DAB1: variants seen among roughly 807,000 people sequenced by gnomAD.
DAB1 encodes the protein DAB adaptor protein 1, also known as disabled homolog 1.
DAB1 carries 15 observed loss-of-function variants against 64.6 expected under a neutral mutation model. The ratio of observed to expected loss-of-function variants is 0.23; its 90% CI spans 0.16 to 0.36. The LOEUF is 0.36. Ranked by LOEUF, DAB1 falls within the 10% of genes least tolerant of loss-of-function variation. The probability of loss-of-function intolerance (pLI) is 1.00; values close to 1 mark genes in which losing one functional copy is unlikely to be tolerated. For missense variants in DAB1, 596 were observed against 706.7 expected, an observed-to-expected ratio of 0.84 and a Z score of 1.78; for synonymous variants, 235 against 251.9, an observed-to-expected ratio of 0.93 and a Z score of 0.64.
At chr1:57,555,621 A>G (rs577282611) in intron 7 of DAB1, among the ~76,000 whole-genome samples, 1 of 152,282 alleles carries the variant, frequency 6.6e-6, no homozygotes, top group Non-Finnish European at 1.5e-5. Flanking sequence ...CTGGGCTCAG[A>G]GAAAGGAAAA....
chr1:57,035,562 C>T (rs1263688539), intron 9 of DAB1, among the ~76,000 whole-genome samples: 1 of 152,100 alleles, frequency 6.6e-6, no homozygotes, highest in Non-Finnish European at 1.5e-5. Context: ...TGAACAAATG[C>T]ATTTTTTTGG....
In DAB1 at chr1:58,021,593, G is replaced by A. The variant is rs1432378389; in HGVS notation, n.387+128918C>T. ...TTACATGGAAAAATAAGAGGACTGT[G>A]AGCATATGAGTACCTACAGTTGGAA... On this transcript the variant is annotated intron_variant and non_coding_transcript_variant, in intron 5 of 20. Coordinates refer to the DAB1 transcript ENST00000485760. Among the ~76,000 whole-genome samples the A allele has an allele frequency of 3.9e-5, 6 of 152,158 alleles. No homozygotes were observed. In the East Asian group the frequency reaches 5.8e-4, roughly 15 times the overall value.
rs77019377 is a variant in DAB1 at position 58,132,904 on chromosome 1, G to A, written n.387+17607C>T. Among the ~76,000 whole-genome samples the A allele has an allele frequency of 8.8e-3, 1,339 of 152,288 alleles. 35 individuals carry two copies. The highest frequency in any genetic ancestry group is 0.066 in the East Asian group (342 of 5,174). On this transcript the variant is annotated intron_variant and non_coding_transcript_variant, in intron 5 of 20. Transcript: ENST00000485760. The stretch of plus-strand genomic sequence containing the variant: ...TATCAGTTCTGATATCTGTGTTAGT[G>A]TTAGCTAACCCTTTAATAGTGTTAA...
At chr1:57,847,561 C>A (rs1653346902) in intron 1 of DAB1, among the ~76,000 whole-genome samples, 2 of 151,862 alleles carry the variant, frequency 1.3e-5, no homozygotes, top group South Asian at 4.2e-4. Flanking sequence ...GAAAGCTAGG[C>A]AAATATTTAT....
chr1:57,238,983 A>G (rs1278113081), intron 2 of DAB1, among the ~76,000 whole-genome samples: 1 of 151,888 alleles, frequency 6.6e-6, no homozygotes, highest in Non-Finnish European at 1.5e-5. Context: ...CTGTAAATCT[A>G]TTTACCAATC....
intron 3 of DAB1, among the ~76,000 whole-genome samples, chr1:58,351,794 A>G (rs775581580): frequency 1.3e-5 from 2 of 149,668 alleles, no homozygotes; most frequent in Non-Finnish European, 3.0e-5. Flanking sequence ...TAATCTTTGC[A>G]GGGAGATGGG....
At chr1:57,705,565 T>C (rs1287778878) in intron 6 of DAB1, among the ~76,000 whole-genome samples, 2 of 152,160 alleles carry the variant, frequency 1.3e-5, no homozygotes, top group Non-Finnish European at 2.9e-5. Context: ...CATTCTTTTC[T>C]ATTCTTTTAA....
At chr1:58,049,606 G>T (rs1429552733) in intron 5 of DAB1, among the ~76,000 whole-genome samples, 3 of 152,146 alleles carry the variant, frequency 2.0e-5, no homozygotes, top group Non-Finnish European at 4.4e-5. Context: ...AGAAGAAAGA[G>T]CATGGATTTT....
chr1:57,439,044 G>T (rs555898832), intron 7 of DAB1, among the ~76,000 whole-genome samples: 2 of 152,294 alleles, frequency 1.3e-5, no homozygotes, highest in African/African-American at 2.4e-5. Flanking sequence ...TAGCCAGAGT[G>T]GTTGATTCAA....
At chr1:58,541,032 G>A (rs1272018824) in intron 1 of DAB1, among the ~76,000 whole-genome samples, 1 of 151,998 alleles carries the variant, frequency 6.6e-6, no homozygotes, top group Admixed American at 6.6e-5. Context: ...AAAAAAAGCT[G>A]GGCATGGTGG....
chr1:57,903,866 T>G (rs563085997), intron 5 of DAB1, among the ~76,000 whole-genome samples: 1 of 152,322 alleles, frequency 6.6e-6, no homozygotes, highest in African/African-American at 2.4e-5. Context: ...TATGGTCTAC[T>G]TAGAATGTGC....
chr1:57,256,291 T>G (rs1370276535), intron 2 of DAB1, among the ~76,000 whole-genome samples: 1 of 152,188 alleles, frequency 6.6e-6, no homozygotes, highest in Non-Finnish European at 1.5e-5. Flanking sequence ...ATTGTGGATG[T>G]TAATTAGAAT....
rs571704429 is a variant in DAB1 at position 58,006,223 on chromosome 1, G to C, written n.388-122061C>G. 3.7e-4 allele frequency among the ~76,000 whole-genome samples: 57 copies of C among 152,280 alleles called. 1 individual carries two copies. The South Asian group carries it at 6.4e-3, about 17-fold the overall frequency. On this transcript the variant is annotated intron_variant and non_coding_transcript_variant, in intron 5 of 20. Transcript: ENST00000485760. ...TAACATTGTTGAGACTCTATCATGT[G>C]AGATAAAAAGACACTAGAATATCCT...
chr1:57,818,322 G>A (rs182433780), intron 6 of DAB1, among the ~76,000 whole-genome samples: 3 of 152,206 alleles, frequency 2.0e-5, no homozygotes, highest in Admixed American at 2.0e-4. Context: ...CTCAAACCCC[G>A]AGTCTCACTA....
intron 2 of DAB1, among the ~76,000 whole-genome samples, chr1:57,280,937 A>G (rs1035706257): frequency 6.6e-6 from 1 of 152,202 alleles, no homozygotes; most frequent in African/African-American, 2.4e-5. Flanking sequence ...CTCATAGTTA[A>G]TGGCATAGCA....
chr1:58,405,252 C>T (rs556677033), intron 3 of DAB1, among the ~76,000 whole-genome samples: 18 of 152,334 alleles, frequency 1.2e-4, no homozygotes, highest in Non-Finnish European at 2.2e-4. Context: ...CTTCAGATGT[C>T]ACCCCTCAAA....
chr1:58,165,929 T>C (rs1330219966), intron 4 of DAB1, among the ~76,000 whole-genome samples: 1 of 152,204 alleles, frequency 6.6e-6, no homozygotes. Context: ...GAGATAGCTG[T>C]TGTTGTTTTC....
intron 6 of DAB1, among the ~76,000 whole-genome samples, chr1:57,683,338 G>A (rs1346523446): frequency 1.3e-5 from 2 of 152,120 alleles, no homozygotes; most frequent in African/African-American, 4.8e-5. Flanking sequence ...TGTCAGTGAT[G>A]GGAGGGGGCT....
intron 3 of DAB1, among the ~76,000 whole-genome samples, chr1:57,144,036 A>G (rs963554489): frequency 2.0e-5 from 3 of 151,784 alleles, no homozygotes; most frequent in African/African-American, 7.2e-5. Context: ...TTTATTACAT[A>G]TATGTGTATA....
Sources: gnomAD v4.1 joint callset for allele counts (sites outside exome capture counted in the v4.1 genomes callset) on GRCh38, gnomAD v4.1.1 for gene constraint, MANE v1.5 for transcripts, NCBI Gene and HGNC (gene_info 2026-07-23, HGNC 2026-07-21) for gene names.